Variants in HSD17B3 observed in about 807,000 individuals in gnomAD.
HSD17B3 encodes the protein 17-beta-hydroxysteroid dehydrogenase type 3.
In HSD17B3, 29 loss-of-function variants were observed where a neutral mutation model predicts 41.1. The observed-to-expected ratio is 0.71, with a 90% CI of 0.53 to 0.96. HSD17B3 has a LOEUF of 0.96. Among genes scored for constraint, HSD17B3 ranks in the 40% least tolerant of loss-of-function variants. HSD17B3 has a pLI of 0.00. For missense variants in HSD17B3, 323 were observed against 374.6 expected, an observed-to-expected ratio of 0.86 and a Z score of 1.14; for synonymous variants, 126 against 145.6, an observed-to-expected ratio of 0.87 and a Z score of 0.97.
chr9:96,283,270 G>T (rs1175519397), intron 2 of HSD17B3, among the ~76,000 whole-genome samples: 1 of 152,078 alleles, frequency 6.6e-6, no homozygotes, highest in African/African-American at 2.4e-5. Context: ...CTCCCAAAGT[G>T]CTGGGACTAC....
chr9:96,249,867 T>G (rs1418655312), intron 5 of HSD17B3, 81 bp from the exon 6 acceptor site: 4 of 1,611,680 alleles, frequency 2.5e-6, no homozygotes, highest in Non-Finnish European at 3.4e-6. Flanking sequence ...TAAAGAACCA[T>G]GAAGTGGGCA....
In HSD17B3 at chr9:96,235,524, G is replaced by A. The variant is rs770659849; in HGVS notation, c.869C>T (p.Ala290Val). The A allele has an allele frequency of 4.3e-6, 7 of 1,614,122 alleles. No individual in the cohort carries two copies. Among genetic ancestry groups the A allele is most frequent in the Non-Finnish European group, 4.2e-6 (5 of 1,180,006 alleles). ...LIPAWAFYSG[A>V]FQRLLLTHYV... ...GTGTGTCAGGAGCAGCCTTTGGAAGGCACCGCTGTAGAAGGCCCAGGCCGG... is the reference window on the plus strand; with the variant it reads ...GTGTGTCAGGAGCAGCCTTTGGAAGACACCGCTGTAGAAGGCCCAGGCCGG... The change falls in exon 11 of 11, where the codon GCC (alanine) becomes GTC (valine). Residue 290 changes from alanine to valine, a missense_variant. Transcript: ENST00000375263.
At chr9:96,301,333 G>C (rs549013668) in intron 1 of HSD17B3, among the ~76,000 whole-genome samples, 1 of 147,738 alleles carries the variant, frequency 6.8e-6, no homozygotes, top group Admixed American at 6.7e-5. Context: ...CATCCCAGCC[G>C]TTGGGGAGGC....
intron 2 of HSD17B3, among the ~76,000 whole-genome samples, chr9:96,257,077 T>C (rs1325002492): frequency 1.3e-5 from 2 of 152,130 alleles, no homozygotes; most frequent in East Asian, 1.9e-4. Context: ...GCCACGTTTG[T>C]AAGTTTCCTG....
chr9:96,246,677 A>C (rs1451627453), intron 6 of HSD17B3, 87 bp from the exon 7 acceptor site: 1 of 1,201,082 alleles, frequency 8.3e-7, no homozygotes, highest in Non-Finnish European at 1.2e-6. Flanking sequence ...GGAGCGCGGG[A>C]GGAAGCTGGG....
chr9:96,235,532 G>A lies in HSD17B3; in HGVS notation c.861C>T (p.Tyr287=). Residue 287 remains tyrosine (Y), a synonymous_variant, in exon 11 of 11, where the codon TAC becomes TAT. Transcript: ENST00000375263. The stretch of plus-strand genomic sequence containing the variant: ...GGAGCAGCCTTTGGAAGGCACCGCT[G>A]TAGAAGGCCCAGGCCGGGATCAGGC... ...FLSLIPAWAF[Y]SGAFQRLLLT... is the part of the protein sequence containing the mutation. The A allele has an allele frequency of 2.5e-6, 4 of 1,614,152 alleles. No homozygotes were observed. The highest frequency in any genetic ancestry group is 3.4e-6 in the Non-Finnish European group (4 of 1,180,014).
intron 2 of HSD17B3, among the ~76,000 whole-genome samples, chr9:96,267,459 A>G (rs1826084433): frequency 6.6e-6 from 1 of 152,004 alleles, no homozygotes; most frequent in Non-Finnish European, 1.5e-5. Flanking sequence ...TGCCTGGCCA[A>G]CCATTTTTAA....
intron 2 of HSD17B3, among the ~76,000 whole-genome samples, chr9:96,284,970 C>CT (rs796178267): frequency 3.3e-5 from 5 of 151,878 alleles, no homozygotes; most frequent in African/African-American, 1.2e-4. Context: ...TCCCGAGTAG[C>CT]TGGGATTGCA....
At chr9:96,246,102 T>G (rs1191827248) in intron 7 of HSD17B3, among the ~76,000 whole-genome samples, 2 of 151,958 alleles carry the variant, frequency 1.3e-5, no homozygotes, top group Non-Finnish European at 2.9e-5. Context: ...AAAAACCAAC[T>G]CCCAAATGGG....
At chr9:96,283,091 T>C (rs1270296804) in intron 2 of HSD17B3, among the ~76,000 whole-genome samples, 1 of 146,060 alleles carries the variant, frequency 6.8e-6, no homozygotes, top group East Asian at 2.0e-4. Context: ...CTGCAACCTC[T>C]GCCTCCTGGG....
At chr9:96,269,385 A>G (rs1436113462) in intron 2 of HSD17B3, among the ~76,000 whole-genome samples, 1 of 152,194 alleles carries the variant, frequency 6.6e-6, no homozygotes, top group Non-Finnish European at 1.5e-5. Context: ...TTCTCTACTC[A>G]TGACATATCC....
chr9:96,255,955 G>A (rs1248566833), intron 2 of HSD17B3, among the ~76,000 whole-genome samples: 1 of 152,240 alleles, frequency 6.6e-6, no homozygotes, highest in Non-Finnish European at 1.5e-5. Flanking sequence ...CGGGGGACAC[G>A]TAAACGTGGA....
At chr9:96,238,507 C>T (rs1836312136) in intron 10 of HSD17B3, among the ~76,000 whole-genome samples, 1 of 152,164 alleles carries the variant, frequency 6.6e-6, no homozygotes, top group African/African-American at 2.4e-5. Flanking sequence ...ACTAAAAATA[C>T]AAAAATTAGC....
chr9:96,264,542 G>A (rs754093222), intron 2 of HSD17B3, among the ~76,000 whole-genome samples: 1 of 152,000 alleles, frequency 6.6e-6, no homozygotes, highest in Non-Finnish European at 1.5e-5. Context: ...TGGTTTGTTT[G>A]TTGTATTTTT....
intron 6 of HSD17B3, among the ~76,000 whole-genome samples, chr9:96,246,962 G>A (rs1287749363): frequency 6.6e-6 from 1 of 152,220 alleles, no homozygotes; most frequent in East Asian, 1.9e-4. Context: ...GACTGGCCAT[G>A]AGTTGGAATT....
At chr9:96,259,853 T>G (rs1825799778) in intron 2 of HSD17B3, among the ~76,000 whole-genome samples, 1 of 152,242 alleles carries the variant, frequency 6.6e-6, no homozygotes, top group Non-Finnish European at 1.5e-5. Flanking sequence ...CCTCGCAGAA[T>G]TTTTTATTTG....
intron 4 of HSD17B3, 121 bp from the exon 5 acceptor site, chr9:96,251,606 G>A: frequency 2.3e-6 from 2 of 882,298 alleles, no homozygotes; most frequent in South Asian, 1.4e-5. Context: ...TGGTAACGGT[G>A]AGGAAACTGG....
Position 96,246,403 on chromosome 9 carries a change from T to G in HSD17B3, c.524+153A>C, listed in dbSNP as rs914396602. 6.6e-5 allele frequency: 49 copies of G among 747,264 alleles called. 2 individuals carry two copies. Among genetic ancestry groups the G allele is most frequent in the Middle Eastern group, 3.5e-4 (1 of 2,818 alleles). The allele number at this position is 747,264 out of a possible 1,614,324, so 46.3% of individuals were successfully genotyped here. ...AGCTGGCCTGGCCCAGAACGTTATG[T>G]TTTTTTTCCCATAATCACCGTGTGC... On this transcript the variant is annotated intron_variant, in intron 7 of 10. Transcript: ENST00000375263.
intron 2 of HSD17B3, among the ~76,000 whole-genome samples, chr9:96,289,192 G>GGTGTGTGTGTGT (rs67271328): frequency 3.4e-5 from 5 of 148,124 alleles, no homozygotes; most frequent in African/African-American, 1.0e-4. Flanking sequence ...TTGATTTCCT[G>GGTGTGTGTGTGT]GTGTGTGTGT....
Sources: allele counts gnomAD v4.1 joint callset (sites outside exome capture counted in the v4.1 genomes callset), GRCh38; gene constraint gnomAD v4.1.1; transcripts MANE v1.5; gene names NCBI Gene and HGNC (gene_info 2026-07-23, HGNC 2026-07-21).